Variants in ASIC2 observed in about 807,000 individuals in gnomAD.
ASIC2 encodes the protein acid sensing ion channel subunit 2.
In ASIC2, 25 loss-of-function variants were observed where a neutral mutation model predicts 57.3. The observed-to-expected ratio is 0.44, with a 90% CI of 0.32 to 0.61. The LOEUF is 0.61. Among genes scored for constraint, ASIC2 ranks in the 20% least tolerant of loss-of-function variants. ASIC2 has a pLI of 0.06. For missense variants in ASIC2, 641 were observed against 738.1 expected, an observed-to-expected ratio of 0.87 and a Z score of 1.52; for synonymous variants, 319 against 307.5, an observed-to-expected ratio of 1.04 and a Z score of -0.39.
chr17:34,063,557 T>C (rs557315708), intron 1 of ASIC2, among the ~76,000 whole-genome samples: 2 of 152,240 alleles, frequency 1.3e-5, no homozygotes, highest in East Asian at 3.9e-4. Context: ...GGCATCCAAA[T>C]CAGTAAAGAG....
intron 1 of ASIC2, among the ~76,000 whole-genome samples, chr17:34,079,604 C>A (rs1215521614): frequency 6.6e-6 from 1 of 152,144 alleles, no homozygotes; most frequent in Non-Finnish European, 1.5e-5. Flanking sequence ...GTAGGCAGGG[C>A]CATATTTTCT....
chr17:33,182,298 T>C (rs963648319), intron 1 of ASIC2, among the ~76,000 whole-genome samples: 3 of 152,200 alleles, frequency 2.0e-5, no homozygotes, highest in Admixed American at 1.3e-4. Context: ...ATTTTTGACC[T>C]GAGCACCTGG....
At chr17:33,222,000 G>T (rs1444682035) in intron 1 of ASIC2, among the ~76,000 whole-genome samples, 3 of 152,164 alleles carry the variant, frequency 2.0e-5, no homozygotes, top group African/African-American at 7.2e-5. Flanking sequence ...TGTTTGGGAA[G>T]GCTATCCTGG....
intron 1 of ASIC2, among the ~76,000 whole-genome samples, chr17:33,423,550 T>C (rs1911114952): frequency 6.6e-6 from 1 of 152,206 alleles, no homozygotes; most frequent in Non-Finnish European, 1.5e-5. Context: ...ACTTAGCTTT[T>C]TGTCCTTCCT....
rs1211673507 is a variant in ASIC2, at chr17:33,464,482, C to CTCTTTCTTTCTTTCTTTCTT, written c.556-352435_556-352416dup. On this transcript the variant is annotated intron_variant, in intron 1 of 9. Coordinates refer to the ASIC2 transcript ENST00000359872. ...CTCTTTCTTTCTTTCTTTCTTTTCT[C>CTCTTTCTTTCTTTCTTTCTT]TCTTTCTTTCTTTCTTTCTTTCTTT... is the stretch of plus-strand genomic sequence containing the variant. 4.7e-5 allele frequency among the ~76,000 whole-genome samples: 3 copies of CTCTTTCTTTCTTTCTTTCTT among 63,638 alleles called. No individual in the cohort carries two copies. The Admixed American group carries it at 4.8e-4, about 10-fold the overall frequency. The allele number at this position is 63,638 out of a possible 152,430, so 41.7% of individuals were successfully genotyped here. A position where few individuals can be genotyped will look rare whatever the true frequency, so the allele number is the denominator to read the frequency against.
At chr17:33,663,187 C>T (rs1386548646) in intron 1 of ASIC2, among the ~76,000 whole-genome samples, 1 of 152,192 alleles carries the variant, frequency 6.6e-6, no homozygotes, top group Non-Finnish European at 1.5e-5. Flanking sequence ...AAAATTGAGG[C>T]TTTGTGAGCT....
intron 1 of ASIC2, among the ~76,000 whole-genome samples, chr17:33,164,191 A>G (rs1905240239): frequency 6.6e-6 from 1 of 152,182 alleles, no homozygotes; most frequent in Non-Finnish European, 1.5e-5. Flanking sequence ...CCAAGCCCCA[A>G]GGGTGCGTCT....
At chr17:33,606,952 G>T (rs538078544) in intron 1 of ASIC2, among the ~76,000 whole-genome samples, 72 of 152,290 alleles carry the variant, frequency 4.7e-4, no homozygotes, top group African/African-American at 1.6e-3. Context: ...TTCTCCACCA[G>T]TGTGGGTGTT....
intron 1 of ASIC2, among the ~76,000 whole-genome samples, chr17:33,955,893 T>A (rs1904719425): frequency 6.6e-6 from 1 of 152,230 alleles, no homozygotes; most frequent in African/African-American, 2.4e-5. Flanking sequence ...AGATACCTGG[T>A]TAATGAATTT....
At chr17:33,489,617 G>A (rs1253206208) in intron 1 of ASIC2, among the ~76,000 whole-genome samples, 1 of 152,172 alleles carries the variant, frequency 6.6e-6, no homozygotes, top group East Asian at 1.9e-4. Context: ...TTCCAGGCCA[G>A]GGCCACTTCC....
At chr17:33,835,591 G>C (rs1913249467) in intron 1 of ASIC2, among the ~76,000 whole-genome samples, 1 of 152,150 alleles carries the variant, frequency 6.6e-6, no homozygotes, top group African/African-American at 2.4e-5. Context: ...CAAGTGACTA[G>C]CGGAAGATCA....
chr17:33,785,310 G>C (rs1158748464), intron 1 of ASIC2, among the ~76,000 whole-genome samples: 1 of 152,198 alleles, frequency 6.6e-6, no homozygotes, highest in Non-Finnish European at 1.5e-5. Flanking sequence ...CTCTGGAACT[G>C]TGAGGAAATC....
intron 1 of ASIC2, among the ~76,000 whole-genome samples, chr17:33,278,886 T>C (rs1193123096): frequency 6.6e-6 from 1 of 152,118 alleles, no homozygotes; most frequent in Non-Finnish European, 1.5e-5. Flanking sequence ...ACATGGCCCT[T>C]GCCCTCAAGG....
In ASIC2 at chr17:33,985,131, A is replaced by G. The variant is rs79376154; in HGVS notation, c.555+170847T>C. Among the ~76,000 whole-genome samples, 35 of 152,332 alleles carry G rather than the reference A, an allele frequency of 2.3e-4. No individual in the cohort carries two copies. In the East Asian group the frequency reaches 6.2e-3, roughly 27 times the overall value. On this transcript the variant is annotated intron_variant, in intron 1 of 9. Coordinates refer to the ASIC2 transcript ENST00000359872. ...ATTTTAATTGAAGCCTCAAGCCATG[A>G]TGAATTATTAAAGGCATGGAGGGAT...
chr17:33,902,621 G>A, intron 1 of ASIC2, among the ~76,000 whole-genome samples: 1 of 152,178 alleles, frequency 6.6e-6, no homozygotes, highest in Admixed American at 6.5e-5. Context: ...CAGGTTCCAG[G>A]ATTGCCCAGC....
chr17:33,783,925 C>A (rs902307493), intron 1 of ASIC2, among the ~76,000 whole-genome samples: 1 of 152,236 alleles, frequency 6.6e-6, no homozygotes, highest in Non-Finnish European at 1.5e-5. Context: ...CGACTTTCTA[C>A]GCCATACCGT....
chr17:33,386,062 C>T (rs1909664905), intron 1 of ASIC2, among the ~76,000 whole-genome samples: 2 of 152,194 alleles, frequency 1.3e-5, no homozygotes, highest in African/African-American at 4.8e-5. Flanking sequence ...ACTGAAGGCA[C>T]TATGTCTTAT....
At chr17:33,450,375 T>C (rs1193377027) in intron 1 of ASIC2, among the ~76,000 whole-genome samples, 1 of 152,232 alleles carries the variant, frequency 6.6e-6, no homozygotes, top group East Asian at 1.9e-4. Context: ...CTACTTTCAG[T>C]AAAGCCTGAC....
At chr17:33,140,739 T>C (rs2092384280) in intron 1 of ASIC2, among the ~76,000 whole-genome samples, 1 of 152,214 alleles carries the variant, frequency 6.6e-6, no homozygotes, top group South Asian at 2.1e-4. Flanking sequence ...CCAAGCCTTG[T>C]CCTGAAAGAG....
Sources: allele counts gnomAD v4.1 joint callset (sites outside exome capture counted in the v4.1 genomes callset), GRCh38; gene constraint gnomAD v4.1.1; transcripts MANE v1.5; gene names NCBI Gene and HGNC (gene_info 2026-07-23, HGNC 2026-07-21).